SLC38A6: variants seen among roughly 807,000 people sequenced by gnomAD.
SLC38A6 encodes the protein N system amino acid transporter NAT-1.
A neutral mutation model predicts 65.0 loss-of-function variants in SLC38A6; 73 were observed. The ratio of observed to expected loss-of-function variants is 1.12; its 90% CI spans 0.93 to 1.37. SLC38A6 has a LOEUF of 1.37. Among genes scored for constraint, SLC38A6 ranks in the 40% most tolerant of loss-of-function variants. The pLI is 0.00. For synonymous variants in SLC38A6, 183 were observed against 178.8 expected (o/e 1.02, Z -0.19); for missense variants, 561 against 531.1 (o/e 1.06, Z -0.55).
At chr14:61,006,758 A>G (rs2039153119) in intron 3 of SLC38A6, among the ~76,000 whole-genome samples, 1 of 152,238 alleles carries the variant, frequency 6.6e-6, no homozygotes, top group African/African-American at 2.4e-5. Context: ...TGTGGAAGTC[A>G]GTGTGGCGAT....
intron 3 of SLC38A6, among the ~76,000 whole-genome samples, chr14:61,000,329 C>T (rs1272406548): frequency 3.3e-5 from 5 of 152,168 alleles, no homozygotes; most frequent in Admixed American, 1.3e-4. Flanking sequence ...TGTAGTCAAA[C>T]GTATCTTTAA....
chr14:61,061,644 A>C (rs987688593), intron 15 of SLC38A6, among the ~76,000 whole-genome samples: 1 of 152,164 alleles, frequency 6.6e-6, no homozygotes, highest in African/African-American at 2.4e-5. Context: ...AGAAATATGC[A>C]ATTAAGTTTC....
At chr14:61,041,304 A>G (rs2041797412) in intron 8 of SLC38A6, among the ~76,000 whole-genome samples, 1 of 152,150 alleles carries the variant, frequency 6.6e-6, no homozygotes, top group Admixed American at 6.6e-5. Context: ...TATCCACCCC[A>G]TACCACCATA....
At chr14:61,063,952 T>C (rs7142432) in intron 15 of SLC38A6, among the ~76,000 whole-genome samples, 133,242 of 152,260 alleles carry the variant, frequency 0.88, 59,186 homozygotes, top group Non-Finnish European at 0.96. Context: ...TTATCCCCTT[T>C]GTCCATTCCC....
At position 61,015,952 on chromosome 14, in the gene SLC38A6, G is replaced by A; in HGVS notation, c.359G>A (p.Gly120Glu). The A allele has an allele frequency of 6.2e-7, 1 of 1,604,878 alleles. No individual in the cohort carries two copies. The highest frequency in any genetic ancestry group is 1.1e-5 in the South Asian group (1 of 88,786). ...GGACTCTTTGCATTTGGATTACCTG[G>A]AAAGGTAATTTTTTTTCCTCCTCAT... ...DLGLFAFGLP[G>E]KLVVAGTIII... is the part of the protein sequence containing the mutation. Residue 120 changes from glycine (G) to glutamate (E), a missense_variant, in exon 4 of 16, where the codon GGA (glycine) becomes GAA (glutamate). Coordinates refer to ENST00000267488, the MANE Select transcript of SLC38A6 (RefSeq NM_153811.3).
At chr14:61,047,522 C>G (rs769930635) in intron 12 of SLC38A6, among the ~76,000 whole-genome samples, 2 of 152,110 alleles carry the variant, frequency 1.3e-5, no homozygotes, top group African/African-American at 2.4e-5. Context: ...AGTTTTGTCT[C>G]TCTCCAAAGC....
intron 3 of SLC38A6, among the ~76,000 whole-genome samples, chr14:61,002,442 A>T (rs1191191731): frequency 2.0e-5 from 3 of 152,242 alleles, no homozygotes; most frequent in Admixed American, 6.5e-5. Context: ...GTTGAACTGT[A>T]TTTGAATAAC....
chr14:61,017,230 A>C lies in SLC38A6; in HGVS notation c.363+1274A>C, dbSNP rs535215673. Among the ~76,000 whole-genome samples, 33 of 152,230 alleles carry C rather than the reference A, an allele frequency of 2.2e-4. No homozygotes were observed. The South Asian group carries it at 6.8e-3, about 32-fold the overall frequency. On this transcript the variant is annotated intron_variant, in intron 4 of 15. Transcript: ENST00000267488. ...CTAATTTTGTATTTTTAGTAGAGAC[A>C]GATTTCTCTATGTTGGTCAGGCTGG...
At chr14:61,013,619 G>T (rs946002599) in intron 3 of SLC38A6, among the ~76,000 whole-genome samples, 10 of 152,216 alleles carry the variant, frequency 6.6e-5, no homozygotes, top group Admixed American at 5.9e-4. Context: ...GTCTGTAAAG[G>T]ATTTTATTTC....
At chr14:61,038,308 A>G (rs995613597) in intron 8 of SLC38A6, among the ~76,000 whole-genome samples, 8 of 151,966 alleles carry the variant, frequency 5.3e-5, no homozygotes, top group Non-Finnish European at 1.0e-4. Flanking sequence ...TAATATAAAG[A>G]TAAGAATTTA....
In SLC38A6 at chr14:61,012,410, T is replaced by G. The variant is rs151038597; in HGVS notation, c.311-3494T>G. 1.1e-3 allele frequency among the ~76,000 whole-genome samples: 166 copies of G among 152,286 alleles called. No homozygotes were observed. In the East Asian group the frequency reaches 0.022, roughly 21 times the overall value. ...TCAGTTCTGCTCTGATCTTAGTTATTTCTTGCCTTCTGCTAGCTTTTGAAT... is the reference window on the plus strand; with the variant it reads ...TCAGTTCTGCTCTGATCTTAGTTATGTCTTGCCTTCTGCTAGCTTTTGAAT... On this transcript the variant is annotated intron_variant, in intron 3 of 15. Coordinates refer to ENST00000267488, the MANE Select transcript of SLC38A6 (RefSeq NM_153811.3).
chr14:60,986,987 C>T, intron 3 of SLC38A6: 1 of 377,038 alleles, frequency 2.7e-6, no homozygotes, highest in Non-Finnish European at 5.1e-6. Flanking sequence ...TTTTCTGTAA[C>T]TCTGGGGCGT....
intron 5 of SLC38A6, among the ~76,000 whole-genome samples, chr14:61,020,429 A>G (rs2040284096): frequency 1.3e-5 from 2 of 152,158 alleles, no homozygotes; most frequent in Admixed American, 1.3e-4. Flanking sequence ...TGACAGTTTT[A>G]ATAAACTTCA....
chr14:60,993,456 A>G (rs1481810201), intron 3 of SLC38A6, among the ~76,000 whole-genome samples: 1 of 152,176 alleles, frequency 6.6e-6, no homozygotes, highest in Admixed American at 6.5e-5. Flanking sequence ...GCAATCATAG[A>G]TATTAGGTGT....
chr14:61,022,403 A>T (rs2040389911), intron 5 of SLC38A6, among the ~76,000 whole-genome samples: 1 of 151,626 alleles, frequency 6.6e-6, no homozygotes, highest in Non-Finnish European at 1.5e-5. Flanking sequence ...TAGTCCATGT[A>T]TGCTTGCAAA....
intron 12 of SLC38A6, 75 bp downstream of exon 12, chr14:61,046,242 C>A: frequency 1.1e-6 from 1 of 942,822 alleles, no homozygotes. Context: ...ATAGACTTTA[C>A]CTATGCCTTT....
At chr14:61,083,422 G>C in intron 16 of SLC38A6, 1 of 1,354,476 alleles carries the variant, frequency 7.4e-7, no homozygotes, top group Non-Finnish European at 9.8e-7. Context: ...CCCCAAATTC[G>C]TAGGTTGAGG....
At chr14:61,032,183 A>G (rs2041038300) in intron 6 of SLC38A6, among the ~76,000 whole-genome samples, 2 of 151,928 alleles carry the variant, frequency 1.3e-5, no homozygotes, top group Non-Finnish European at 2.9e-5. Context: ...TTGAATTAAT[A>G]TAACTGTGTT....
At chr14:60,986,223 AC>A (rs1193213345) in intron 3 of SLC38A6, among the ~76,000 whole-genome samples, 1 of 152,184 alleles carries the variant, frequency 6.6e-6, no homozygotes, top group African/African-American at 2.4e-5. Context: ...TTTTCCTAAA[AC>A]CTGTCCATCA....
Sources: allele counts gnomAD v4.1 joint callset (sites outside exome capture counted in the v4.1 genomes callset), GRCh38; gene constraint gnomAD v4.1.1; transcripts MANE v1.5; gene names NCBI Gene and HGNC (gene_info 2026-07-23, HGNC 2026-07-21).